RPS6KA5: variants seen among roughly 807,000 people sequenced by gnomAD.
RPS6KA5 encodes the protein ribosomal protein S6 kinase alpha-5.
RPS6KA5 carries 27 observed loss-of-function variants against 85.5 expected under a neutral mutation model. That is an observed-to-expected ratio of 0.32 (90% confidence interval 0.23 to 0.44). The LOEUF (loss-of-function observed/expected upper bound fraction) is 0.44. RPS6KA5 is among the 20% of genes least tolerant of loss of function. RPS6KA5 has a pLI of 1.00. For missense variants in RPS6KA5, 811 were observed against 980.9 expected (o/e 0.83, Z 2.31); for synonymous variants, 334 against 348.2 (o/e 0.96, Z 0.46).
At chr14:90,976,833 T>C (rs1231408766) in intron 3 of RPS6KA5, among the ~76,000 whole-genome samples, 11 of 152,232 alleles carry the variant, frequency 7.2e-5, no homozygotes, top group Admixed American at 5.9e-4. Flanking sequence ...GCATGAAGTG[T>C]AACATCATGG....
intron 1 of RPS6KA5, among the ~76,000 whole-genome samples, chr14:91,051,243 AAAATAAATAAATAAAT>A (rs59888963): frequency 1.6e-4 from 23 of 144,296 alleles, no homozygotes; most frequent in Admixed American, 2.8e-4. Context: ...TGTCTAAATA[AAAATAAATAAATAAAT>A]AAATAAATAA....
intron 2 of RPS6KA5, among the ~76,000 whole-genome samples, chr14:90,981,500 T>C (rs1271710110): frequency 6.6e-6 from 1 of 152,328 alleles, no homozygotes; most frequent in East Asian, 1.9e-4. Flanking sequence ...GATGTCAATA[T>C]ATATGATCAA....
At chr14:91,030,635 A>AAAAAAAAAAAAAAAAAAAT in intron 1 of RPS6KA5, among the ~76,000 whole-genome samples, 1 of 149,016 alleles carries the variant, frequency 6.7e-6, no homozygotes, top group Non-Finnish European at 1.5e-5. Flanking sequence ...AAAAAAAAAA[A>AAAAAAAAAAAAAAAAAAAT]AAAAGGAAGT....
chr14:90,885,424 G>A (rs1169382364), intron 14 of RPS6KA5, among the ~76,000 whole-genome samples: 2 of 149,388 alleles, frequency 1.3e-5, no homozygotes, highest in East Asian at 3.9e-4. Flanking sequence ...GTAGTGGCGG[G>A]CGCCTGTAGT....
chr14:90,989,899 T>C (rs756983516), intron 2 of RPS6KA5, among the ~76,000 whole-genome samples: 1 of 152,078 alleles, frequency 6.6e-6, no homozygotes, highest in Non-Finnish European at 1.5e-5. Context: ...TGGAAAAATA[T>C]ACAGGGATGA....
intron 13 of RPS6KA5, among the ~76,000 whole-genome samples, chr14:90,891,086 G>A (rs921064244): frequency 1.3e-5 from 2 of 151,578 alleles, no homozygotes; most frequent in Non-Finnish European, 2.9e-5. Flanking sequence ...TTTCCTTTCT[G>A]GCACTTACCA....
intron 1 of RPS6KA5, among the ~76,000 whole-genome samples, chr14:91,030,611 G>GAAAAAAAAAAAAAAAAAAAAAAAA (rs58737573): frequency 3.2e-4 from 7 of 22,072 alleles, no homozygotes; most frequent in Non-Finnish European, 4.5e-4. Flanking sequence ...AAAATAAACA[G>GAAAAAAAAAAAAAAAAAAAAAAAA]AAAAAAAAAA....
In RPS6KA5 at chr14:90,849,489, G is replaced by A. The variant is rs958029460; in HGVS notation, c.*22585C>T. ...GCTGTGTAAACCTGTCTAAAACAGTGCACTTGGTGGCTACATACGGCTAAT... is the reference window on the plus strand; with the variant it reads ...GCTGTGTAAACCTGTCTAAAACAGTACACTTGGTGGCTACATACGGCTAAT... On this transcript the variant is annotated 3_prime_UTR_variant, in exon 17 of 17. Transcript: ENST00000614987. The A allele has an allele frequency of 6.6e-6, 1 of 152,210 alleles. No individual in the cohort carries two copies. Among genetic ancestry groups the A allele is most frequent in the African/African-American group, 2.4e-5 (1 of 41,436 alleles). 9.4% of individuals were successfully genotyped at this position (152,210 alleles called of 1,614,324 possible).
chr14:90,969,334 C>T (rs1357963008), intron 3 of RPS6KA5, among the ~76,000 whole-genome samples: 1 of 152,196 alleles, frequency 6.6e-6, no homozygotes, highest in Admixed American at 6.5e-5. Flanking sequence ...TCAGGCTGCT[C>T]GTCTTTGCAC....
intron 5 of RPS6KA5, among the ~76,000 whole-genome samples, chr14:90,937,796 T>C (rs1033787761): frequency 6.6e-4 from 101 of 152,136 alleles, no homozygotes; most frequent in African/African-American, 2.4e-3. Context: ...GAGAACAGCA[T>C]GGGAAAAACT....
chr14:91,022,813 G>A (rs182269194), intron 1 of RPS6KA5, among the ~76,000 whole-genome samples: 215 of 152,138 alleles, frequency 1.4e-3, no homozygotes, highest in Non-Finnish European at 2.0e-3. Flanking sequence ...CTGTCCGGGC[G>A]TGGTTGCTCA....
At chr14:90,958,108 C>T (rs1172576942) in intron 3 of RPS6KA5, among the ~76,000 whole-genome samples, 1 of 152,214 alleles carries the variant, frequency 6.6e-6, no homozygotes. Context: ...GACTGTGCTA[C>T]TGCACTCCAG....
chr14:90,875,071 T>C, intron 15 of RPS6KA5, 130 bp downstream of exon 15: 3 of 849,704 alleles, frequency 3.5e-6, no homozygotes, highest in Non-Finnish European at 5.5e-6. Flanking sequence ...CTGAAGAGAG[T>C]AGCCTGGAAG....
At chr14:90,910,738 T>G (rs916088882) in intron 7 of RPS6KA5, among the ~76,000 whole-genome samples, 1 of 151,066 alleles carries the variant, frequency 6.6e-6, no homozygotes, top group African/African-American at 2.4e-5. Flanking sequence ...CAGGCTGGAG[T>G]GCAATGGCGC....
intron 1 of RPS6KA5, among the ~76,000 whole-genome samples, chr14:91,059,536 C>G (rs901274684): frequency 6.6e-6 from 1 of 152,094 alleles, no homozygotes; most frequent in African/African-American, 2.4e-5. Flanking sequence ...TCTGAATAAG[C>G]ATTTTCCAAA....
rs1302248133 is a variant in RPS6KA5 at position 90,855,365 on chromosome 14, TGAGA to T, written c.*16705_*16708del. ...TGAGACAAAGTTAACATAGGTAAGA[TGAGA>T]GAGATTTTAGAAAAGTGCTCACCAA... On this transcript the variant is annotated 3_prime_UTR_variant, in exon 17 of 17. Transcript: ENST00000614987. 6.6e-6 allele frequency: 1 copy of T among 152,214 alleles called. No homozygotes were observed. Among genetic ancestry groups the T allele is most frequent in the South Asian group, 2.1e-4 (1 of 4,832 alleles). 9.4% of individuals were successfully genotyped at this position (152,214 alleles called of 1,614,324 possible). A position where few individuals can be genotyped will look rare whatever the true frequency, so the allele number is the denominator to read the frequency against.
At chr14:90,878,543 T>C (rs776406210) in intron 14 of RPS6KA5, among the ~76,000 whole-genome samples, 2 of 152,130 alleles carry the variant, frequency 1.3e-5, no homozygotes, top group African/African-American at 4.8e-5. Context: ...ATATCTATAG[T>C]GAAGGAAAGA....
chr14:90,884,452 G>T (rs1425596942), intron 14 of RPS6KA5, among the ~76,000 whole-genome samples: 1 of 152,168 alleles, frequency 6.6e-6, no homozygotes, highest in Non-Finnish European at 1.5e-5. Context: ...GAAATCCAAA[G>T]AAATCCGAAA....
At chr14:90,944,577 G>A (rs1393018678) in intron 4 of RPS6KA5, among the ~76,000 whole-genome samples, 1 of 152,166 alleles carries the variant, frequency 6.6e-6, no homozygotes, top group Non-Finnish European at 1.5e-5. Context: ...CCAACATGGA[G>A]AAACCCCGAC....
Sources: allele counts gnomAD v4.1 joint callset (sites outside exome capture counted in the v4.1 genomes callset), GRCh38; gene constraint gnomAD v4.1.1; transcripts MANE v1.5; gene names NCBI Gene and HGNC (gene_info 2026-07-23, HGNC 2026-07-21).